The following RELCH variants were observed in gnomAD, a reference collection of about 807,000 sequenced individuals.
RELCH encodes RAB11-binding protein RELCH.
RELCH carries 41 observed loss-of-function variants against 150.3 expected under a neutral mutation model. The observed-to-expected ratio is 0.27, with a 90% CI of 0.21 to 0.35. The LOEUF is 0.35. RELCH is among the 10% of genes least tolerant of loss of function. The probability of loss-of-function intolerance (pLI) is 1.00; values close to 1 mark genes in which losing one functional copy is unlikely to be tolerated. For synonymous variants in RELCH, 478 were observed against 531.8 expected (o/e 0.90, Z 1.39); for missense variants, 1,092 against 1,467.8 (o/e 0.74, Z 4.18).
intron 1 of RELCH, among the ~76,000 whole-genome samples, chr18:62,204,983 T>C (rs2039687065): frequency 6.6e-6 from 1 of 152,216 alleles, no homozygotes; most frequent in African/African-American, 2.4e-5. Context: ...CTTTTTATTA[T>C]GAAAAGTTCA....
rs758865032 is a variant in RELCH at position 62,258,589 on chromosome 18, A to T, written c.2115A>T (p.Pro705=). 1.2e-6 allele frequency: 2 copies of T among 1,605,628 alleles called. No homozygotes were observed. Among genetic ancestry groups the T allele is most frequent in the South Asian group, 2.2e-5 (2 of 89,408 alleles). Residue 705 remains proline (P), a synonymous_variant, in exon 15 of 29, where the codon CCA becomes CCT. Transcript: ENST00000644646. ...VVSATHQVFL[P]AYAAWTTELG... The stretch of plus-strand genomic sequence containing the variant: ...GTGCTACACATCAAGTATTTTTACC[A>T]GCTTACGCTGCGTGGACTACAGAAC...
chr18:62,297,826 A>G (rs75446665), intron 27 of RELCH, among the ~76,000 whole-genome samples: 4,417 of 152,214 alleles, frequency 0.029, 206 homozygotes, highest in African/African-American at 0.1. Flanking sequence ...GCCTCTTCCT[A>G]GCATCTGCAG....
At chr18:62,292,011 CCCT>C (rs1302124462) in intron 27 of RELCH, among the ~76,000 whole-genome samples, 1 of 151,806 alleles carries the variant, frequency 6.6e-6, no homozygotes, top group African/African-American at 2.4e-5. Flanking sequence ...CTCCTGTTTC[CCCT>C]CGTTTCCTCC....
intron 10 of RELCH, among the ~76,000 whole-genome samples, chr18:62,237,702 A>G (rs2041948007): frequency 6.6e-6 from 1 of 151,784 alleles, no homozygotes; most frequent in African/African-American, 2.4e-5. Flanking sequence ...AAGCAATACC[A>G]AACATGATTT....
chr18:62,200,457 C>T (rs2039355732), intron 1 of RELCH, among the ~76,000 whole-genome samples: 1 of 151,932 alleles, frequency 6.6e-6, no homozygotes, highest in African/African-American at 2.4e-5. Context: ...ATATTTTGGA[C>T]ATAGAGGTCA....
intron 10 of RELCH, among the ~76,000 whole-genome samples, chr18:62,234,148 A>T (rs945532147): frequency 6.6e-6 from 1 of 152,012 alleles, no homozygotes; most frequent in Non-Finnish European, 1.5e-5. Context: ...TCTTAGAGTG[A>T]TTTAAAATCA....
intron 11 of RELCH, chr18:62,245,936 T>G (rs959028690): frequency 6.6e-6 from 1 of 152,142 alleles, no homozygotes; most frequent in Non-Finnish European, 1.5e-5. Flanking sequence ...ACGGCTCTTC[T>G]CCTCTGCTCT....
chr18:62,279,398 AG>A (rs2044385021), intron 22 of RELCH, among the ~76,000 whole-genome samples: 1 of 152,196 alleles, frequency 6.6e-6, no homozygotes, highest in African/African-American at 2.4e-5. Flanking sequence ...TCATGATAAA[AG>A]CATACCACCC....
chr18:62,244,952 C>A, intron 11 of RELCH, 76 bp downstream of exon 11: 2 of 951,408 alleles, frequency 2.1e-6, no homozygotes, highest in Non-Finnish European at 3.4e-6. Context: ...TCAGGATTAG[C>A]ATTTGAATCT....
At chr18:62,270,675 AG>A (rs958766275) in intron 20 of RELCH, among the ~76,000 whole-genome samples, 60 of 152,066 alleles carry the variant, frequency 3.9e-4, no homozygotes, top group African/African-American at 1.4e-3. Flanking sequence ...TTTAAGTTCT[AG>A]GGTACATGTG....
chr18:62,270,677 G>T (rs571086330), intron 20 of RELCH, among the ~76,000 whole-genome samples: 2 of 151,544 alleles, frequency 1.3e-5, no homozygotes, highest in African/African-American at 4.9e-5. Flanking sequence ...TAAGTTCTAG[G>T]GTACATGTGC....
At chr18:62,239,750 C>T (rs915721057) in intron 10 of RELCH, among the ~76,000 whole-genome samples, 1 of 151,968 alleles carries the variant, frequency 6.6e-6, no homozygotes, top group Non-Finnish European at 1.5e-5. Flanking sequence ...ACTAAAGCCC[C>T]GTGTTAGTGC....
Position 62,221,039 on chromosome 18 carries a change from C to T in RELCH, c.619C>T (p.Leu207=). 4.3e-6 allele frequency: 7 copies of T among 1,612,576 alleles called. No homozygotes were observed. The highest frequency in any genetic ancestry group is 5.9e-6 in the Non-Finnish European group (7 of 1,179,188). ...NRETDEKVAV[L]EFELRKAKET... ...GTTTATTCCAAATCCCTGTCCAGTCCTGGAGTTTGAACTACGGAAAGCCAA... is the reference window on the plus strand; with the variant it reads ...GTTTATTCCAAATCCCTGTCCAGTCTTGGAGTTTGAACTACGGAAAGCCAA... The change falls in exon 3 of 29, where the codon CTG becomes TTG. Residue 207 remains leucine, a splice_region_variant and synonymous_variant. Coordinates refer to ENST00000644646, the MANE Select transcript of RELCH (RefSeq NM_001346231.2).
chr18:62,282,284 CTG>C lies in RELCH; in HGVS notation c.3115-20_3115-19del. On this transcript the variant is annotated intron_variant, in intron 24 of 28. Transcript: ENST00000644646. ...CAGTTTTCAATATTCTATGAAATGA[CTG>C]TACAATATCCAATTTTAAGTTGCTG... 1 of 1,601,636 alleles carries C rather than the reference CTG, an allele frequency of 6.2e-7. No individual in the cohort carries two copies. The highest frequency in any genetic ancestry group is 8.5e-7 in the Non-Finnish European group (1 of 1,169,716).
chr18:62,242,684 G>A (rs1230604660), intron 10 of RELCH, among the ~76,000 whole-genome samples: 4 of 152,064 alleles, frequency 2.6e-5, no homozygotes, highest in Non-Finnish European at 5.9e-5. Context: ...ATTAATGTAT[G>A]ACATAAACTT....
intron 11 of RELCH, among the ~76,000 whole-genome samples, chr18:62,250,413 T>G (rs563555575): frequency 2.6e-4 from 39 of 152,326 alleles, no homozygotes; most frequent in African/African-American, 7.7e-4. Flanking sequence ...GCTTCTCATT[T>G]TAATACACTA....
At chr18:62,205,266 C>G (rs2039704281) in intron 1 of RELCH, among the ~76,000 whole-genome samples, 1 of 152,006 alleles carries the variant, frequency 6.6e-6, no homozygotes, top group African/African-American at 2.4e-5. Context: ...CTTAAGTGTA[C>G]CATTTGATAA....
rs2045963197 is a variant in RELCH at position 62,309,911 on chromosome 18, T to A, written c.*4377T>A. 1 of 152,192 alleles carries A rather than the reference T, an allele frequency of 6.6e-6. No individual in the cohort carries two copies. The highest frequency in any genetic ancestry group is 1.5e-5 in the Non-Finnish European group (1 of 68,026). 9.4% of individuals were successfully genotyped at this position (152,192 alleles called of 1,614,324 possible). The stretch of plus-strand genomic sequence containing the variant: ...GGTCAGTGATCTTTTTAGGGTGTCA[T>A]TTGTTGATAGTAATCTGCTTTTTAT... On this transcript the variant is annotated 3_prime_UTR_variant, in exon 29 of 29. Coordinates refer to ENST00000644646, the MANE Select transcript of RELCH (RefSeq NM_001346231.2).
At chr18:62,201,771 G>A (rs1045939199) in intron 1 of RELCH, among the ~76,000 whole-genome samples, 1 of 151,972 alleles carries the variant, frequency 6.6e-6, no homozygotes, top group Non-Finnish European at 1.5e-5. Flanking sequence ...TGCTATTCCT[G>A]TCAGTGACCT....
Sources: gnomAD v4.1 joint callset for allele counts (sites outside exome capture counted in the v4.1 genomes callset) on GRCh38, gnomAD v4.1.1 for gene constraint, MANE v1.5 for transcripts, NCBI Gene and HGNC (gene_info 2026-07-23, HGNC 2026-07-21) for gene names.